The following GPR158 variants were observed in gnomAD, a reference collection of about 807,000 sequenced individuals.
GPR158 encodes the protein metabotropic glycine receptor.
In GPR158, 30 loss-of-function variants were observed where a neutral mutation model predicts 78.2. That is an observed-to-expected ratio of 0.38 (90% CI 0.29 to 0.52). The LOEUF is 0.52. Among genes scored for constraint, GPR158 ranks in the 20% least tolerant of loss-of-function variants. GPR158 has a pLI of 0.83. For missense variants in GPR158, 1,463 were observed against 1,523.5 expected, an observed-to-expected ratio of 0.96 and a Z score of 0.66; for synonymous variants, 581 against 591.1, an observed-to-expected ratio of 0.98 and a Z score of 0.25.
intron 2 of GPR158, among the ~76,000 whole-genome samples, chr10:25,379,723 T>G (rs1020290806): frequency 7.5e-6 from 1 of 133,946 alleles, no homozygotes. Context: ...AGCCCCAAAC[T>G]TGATTTTTTC....
intron 5 of GPR158, among the ~76,000 whole-genome samples, chr10:25,547,618 A>G (rs530274984): frequency 6.6e-6 from 1 of 152,204 alleles, no homozygotes; most frequent in South Asian, 2.1e-4. Context: ...AATGCATTTC[A>G]CAGGGTGATG....
chr10:25,476,451 T>C (rs1409090047), intron 5 of GPR158, among the ~76,000 whole-genome samples: 1 of 151,734 alleles, frequency 6.6e-6, no homozygotes, highest in African/African-American at 2.4e-5. Flanking sequence ...TGTCTTCCTG[T>C]AAAGGACTCC....
At chr10:25,408,842 G>T (rs959047436) in intron 3 of GPR158, among the ~76,000 whole-genome samples, 1 of 152,116 alleles carries the variant, frequency 6.6e-6, no homozygotes, top group African/African-American at 2.4e-5. Flanking sequence ...TGCCGTTGAG[G>T]TGTGCCTTTC....
chr10:25,189,078 A>G (rs1374055894), intron 1 of GPR158, among the ~76,000 whole-genome samples: 3 of 152,236 alleles, frequency 2.0e-5, no homozygotes, highest in African/African-American at 7.2e-5. Context: ...TCAAAACCAC[A>G]GTGAGATACC....
At chr10:25,439,656 A>G (rs1285399612) in intron 4 of GPR158, among the ~76,000 whole-genome samples, 1 of 152,186 alleles carries the variant, frequency 6.6e-6, no homozygotes, top group East Asian at 1.9e-4. Context: ...GTGTTCCTCA[A>G]ACGAGAGGTT....
At chr10:25,370,378 C>T (rs532829235) in intron 2 of GPR158, among the ~76,000 whole-genome samples, 11,035 of 115,066 alleles carry the variant, frequency 0.096, 734 homozygotes, top group Middle Eastern at 0.28. Context: ...TCTTTGTTCT[C>T]GTTGGTTTCA....
chr10:25,550,922 G>A, intron 5 of GPR158, 54 bp from the exon 6 acceptor site: 2 of 863,918 alleles, frequency 2.3e-6, no homozygotes, highest in East Asian at 2.4e-5. Flanking sequence ...TATTGACTTG[G>A]GTCTGTGGGT....
intron 7 of GPR158, among the ~76,000 whole-genome samples, chr10:25,583,698 G>A (rs774217522): frequency 2.6e-5 from 4 of 151,996 alleles, no homozygotes; most frequent in Non-Finnish European, 5.9e-5. Context: ...AAGTGGATAG[G>A]ATATAGAGAA....
intron 5 of GPR158, among the ~76,000 whole-genome samples, chr10:25,482,846 G>C (rs746749735): frequency 2.0e-5 from 3 of 152,022 alleles, no homozygotes; most frequent in Admixed American, 6.6e-5. Context: ...CTTCCAGCAA[G>C]TTCCCCAATT....
chr10:25,306,608 A>G (rs1854679610), intron 2 of GPR158, among the ~76,000 whole-genome samples: 1 of 152,152 alleles, frequency 6.6e-6, no homozygotes, highest in African/African-American at 2.4e-5. Context: ...TGTTGTTTTC[A>G]TATCTTTCCA....
In GPR158 at chr10:25,397,293, G is replaced by A. The variant is rs28513297; in HGVS notation, c.1111+1280G>A. ...AAGTATTGAGTATTATTCTCTCTCC[G>A]GAGAATAAACTCTTGCCACATCACC... On this transcript the variant is annotated intron_variant, in intron 3 of 10. Coordinates refer to ENST00000376351, the MANE Select transcript of GPR158 (RefSeq NM_020752.3). Among the ~76,000 whole-genome samples, 1,369 of 152,168 alleles carry A rather than the reference G, an allele frequency of 9.0e-3. 20 individuals are homozygous for A. Among genetic ancestry groups the A allele is most frequent in the African/African-American group, 0.031 (1,297 of 41,504 alleles).
At chr10:25,344,436 C>T (rs1276686078) in intron 2 of GPR158, among the ~76,000 whole-genome samples, 9 of 151,694 alleles carry the variant, frequency 5.9e-5, no homozygotes, top group East Asian at 3.9e-4. Context: ...TAGCAATGTT[C>T]AAGTATATGG....
At chr10:25,543,765 C>T (rs1023813763) in intron 5 of GPR158, among the ~76,000 whole-genome samples, 1 of 152,212 alleles carries the variant, frequency 6.6e-6, no homozygotes, top group South Asian at 2.1e-4. Context: ...AAGATAATGG[C>T]CTGCAGTTCC....
intron 2 of GPR158, among the ~76,000 whole-genome samples, chr10:25,330,014 C>CTTTTTTTT (rs58247937): frequency 6.8e-6 from 1 of 147,764 alleles, no homozygotes. Flanking sequence ...TGAGATAATT[C>CTTTTTTTT]TTTTTTTTTT....
At chr10:25,211,578 G>A (rs2765703) in intron 1 of GPR158, among the ~76,000 whole-genome samples, 30,761 of 152,078 alleles carry the variant, frequency 0.2, 4,773 homozygotes, top group African/African-American at 0.43. Context: ...CTTATGACCA[G>A]TCACCTCTTA....
chr10:25,194,150 C>A (rs895331688), intron 1 of GPR158, among the ~76,000 whole-genome samples: 3 of 152,164 alleles, frequency 2.0e-5, no homozygotes, highest in Non-Finnish European at 4.4e-5. Flanking sequence ...TTGACACACA[C>A]GTTGCTGCTT....
intron 2 of GPR158, among the ~76,000 whole-genome samples, chr10:25,386,156 CTT>C (rs1288897429): frequency 5.3e-5 from 8 of 152,050 alleles, no homozygotes; most frequent in African/African-American, 1.2e-4. Flanking sequence ...AAAGGTCTGA[CTT>C]TATTCTTTTG....
chr10:25,251,294 G>A (rs1356905891), intron 2 of GPR158, among the ~76,000 whole-genome samples: 1 of 151,910 alleles, frequency 6.6e-6, no homozygotes, highest in Non-Finnish European at 1.5e-5. Flanking sequence ...CTTTTAATTG[G>A]AGAATTTAGT....
chr10:25,497,626 A>ATT (rs578260155), intron 5 of GPR158, among the ~76,000 whole-genome samples: 2 of 152,006 alleles, frequency 1.3e-5, no homozygotes, highest in African/African-American at 4.8e-5. Flanking sequence ...AGTTTGTTGG[A>ATT]TTTTTTTTCA....
Sources: allele counts gnomAD v4.1 joint callset (sites outside exome capture counted in the v4.1 genomes callset), GRCh38; gene constraint gnomAD v4.1.1; transcripts MANE v1.5; gene names NCBI Gene and HGNC (gene_info 2026-07-23, HGNC 2026-07-21).